The following RAP1GAP2 variants were observed in gnomAD, a reference collection of about 807,000 sequenced individuals.
RAP1GAP2 encodes RAP1 GTPase activating protein 2.
RAP1GAP2 carries 27 observed loss-of-function variants against 95.0 expected under a neutral mutation model. The observed-to-expected ratio is 0.28, with a 90% CI of 0.21 to 0.39. The LOEUF is 0.39. Among genes scored for constraint, RAP1GAP2 ranks in the 10% least tolerant of loss-of-function variants. RAP1GAP2 has a pLI of 1.00. For missense variants in RAP1GAP2, 771 were observed against 970.0 expected, an observed-to-expected ratio of 0.79 and a Z score of 2.72; for synonymous variants, 373 against 380.9, an observed-to-expected ratio of 0.98 and a Z score of 0.24.
intron 2 of RAP1GAP2, among the ~76,000 whole-genome samples, chr17:2,875,324 C>T (rs573408928): frequency 6.6e-6 from 1 of 152,248 alleles, no homozygotes; most frequent in African/African-American, 2.4e-5. Flanking sequence ...GCCTCGGCCT[C>T]CCAAAGTGCT....
chr17:2,895,383 G>A (rs114715718), intron 2 of RAP1GAP2, among the ~76,000 whole-genome samples: 2,903 of 152,258 alleles, frequency 0.019, 98 homozygotes, highest in African/African-American at 0.066. Context: ...CCAAGCCTGC[G>A]CCCAAGCCTC....
At position 2,904,015 on chromosome 17, in the gene RAP1GAP2, G is replaced by T. The variant is rs570727736; in HGVS notation, c.81-1269G>T. 2.3e-4 allele frequency among the ~76,000 whole-genome samples: 35 copies of T among 152,292 alleles called. No individual in the cohort carries two copies. Among genetic ancestry groups the T allele is most frequent in the South Asian group, 1.7e-3 (8 of 4,828 alleles). On this transcript the variant is annotated intron_variant, in intron 2 of 24. Coordinates refer to ENST00000254695, the MANE Select transcript of RAP1GAP2 (RefSeq NM_015085.5). The surrounding 1 kb of genome is among the most constrained non-coding windows in gnomAD (Gnocchi z 4.7). ...GAAGGATTCTCTGGAGGTGGCAGTG[G>T]GGGTGCTTTGATCATTTACGCAGGA... is the stretch of plus-strand genomic sequence containing the variant.
chr17:2,861,721 G>C (rs2072402981), intron 2 of RAP1GAP2, among the ~76,000 whole-genome samples: 1 of 151,958 alleles, frequency 6.6e-6, no homozygotes, highest in Non-Finnish European at 1.5e-5. Flanking sequence ...CTCGCTGCAA[G>C]CTCCGCCTCC....
chr17:2,860,688 C>T (rs1378959811), intron 2 of RAP1GAP2, among the ~76,000 whole-genome samples: 1 of 147,992 alleles, frequency 6.8e-6, no homozygotes, highest in African/African-American at 2.5e-5. Context: ...ACTGCAGCCT[C>T]CGCCTCCTGG....
intron 19 of RAP1GAP2, among the ~76,000 whole-genome samples, chr17:3,021,398 C>A (rs2151647011): frequency 6.7e-6 from 1 of 148,948 alleles, no homozygotes; most frequent in Middle Eastern, 3.6e-3. Context: ...TTTTTTAGCT[C>A]CCACATATGA....
chr17:2,878,175 G>A (rs1053814218), intron 2 of RAP1GAP2, among the ~76,000 whole-genome samples: 6 of 152,284 alleles, frequency 3.9e-5, no homozygotes, highest in Admixed American at 2.0e-4. Context: ...CACACTTAGA[G>A]TAGCAAGGGG....
rs1294505148 is a variant in RAP1GAP2, at chr17:3,020,582, A to G, written c.1738A>G (p.Ser580Gly). Residue 580 changes from serine (S) to glycine (G), a missense_variant, in exon 19 of 25, where the codon AGC becomes GGC. By Grantham distance (56) the Ser-to-Gly change is moderately conservative (BLOSUM62 0). Transcript: ENST00000254695. Reference protein sequence around the residue: ...LHTGSEGQGDSRARCDSTSST... With the variant: ...LHTGSEGQGDGRARCDSTSST... ...CACGGGCTCAGAAGGCCAGGGCGAC[A>G]GCCGGGCACGATGGTAACTGTTGGG... The G allele has an allele frequency of 3.7e-6, 6 of 1,613,642 alleles. No individual in the cohort carries two copies. The highest frequency in any genetic ancestry group is 5.1e-6 in the Non-Finnish European group (6 of 1,179,774).
intron 2 of RAP1GAP2, among the ~76,000 whole-genome samples, chr17:2,860,652 G>A (rs2072345598): frequency 8.2e-6 from 1 of 122,292 alleles, no homozygotes; most frequent in Non-Finnish European, 1.6e-5. Flanking sequence ...CACCCATTCT[G>A]GAGTGCAGTG....
At chr17:2,875,085 A>G (rs1272310510) in intron 2 of RAP1GAP2, among the ~76,000 whole-genome samples, 1 of 152,124 alleles carries the variant, frequency 6.6e-6, no homozygotes, top group Non-Finnish European at 1.5e-5. Context: ...TTGTTTCTTG[A>G]GATGTAGCCT....
chr17:3,011,223 C>T (rs1029208718), intron 17 of RAP1GAP2, among the ~76,000 whole-genome samples: 16 of 152,134 alleles, frequency 1.1e-4, no homozygotes, highest in Admixed American at 7.2e-4. Flanking sequence ...CCACCGCGCC[C>T]GGCCATTTGT....
At chr17:2,921,116 G>A (rs1240312078) in intron 3 of RAP1GAP2, among the ~76,000 whole-genome samples, 1 of 152,186 alleles carries the variant, frequency 6.6e-6, no homozygotes, top group African/African-American at 2.4e-5. Context: ...AGGCCTTGGG[G>A]TGTAGATTTG....
intron 1 of RAP1GAP2, among the ~76,000 whole-genome samples, chr17:2,760,604 G>A (rs536106331): frequency 6.6e-6 from 1 of 151,656 alleles, no homozygotes; most frequent in Admixed American, 6.6e-5. Context: ...GCCTCCCAGA[G>A]TGCTGGGATT....
rs562013922 is a variant in RAP1GAP2, at chr17:3,003,190, T to C, written c.1201-2179T>C. 9.9e-5 allele frequency among the ~76,000 whole-genome samples: 15 copies of C among 152,252 alleles called. No individual in the cohort carries two copies. The highest frequency in any genetic ancestry group is 2.0e-4 in the Admixed American group (3 of 15,308). Reference sequence around the variant, plus strand: ...AGCCAGGGAGCTGTGGCTGAGGTCCTGTCTGGGTCTGCTTGCGGTCTTGGT... The same window carrying C: ...AGCCAGGGAGCTGTGGCTGAGGTCCCGTCTGGGTCTGCTTGCGGTCTTGGT... On this transcript the variant is annotated intron_variant, in intron 14 of 24. Coordinates refer to ENST00000254695, the MANE Select transcript of RAP1GAP2 (RefSeq NM_015085.5). The surrounding 1 kb of genome is among the most constrained non-coding windows in gnomAD (Gnocchi z 4.1).
intron 3 of RAP1GAP2, among the ~76,000 whole-genome samples, chr17:2,931,280 TTGTGTGTGTGTGTGTGTGTG>T (rs34690298): frequency 6.8e-6 from 1 of 146,666 alleles, no homozygotes; most frequent in Non-Finnish European, 1.5e-5. Flanking sequence ...TGAGTGTTTC[TTGTGTGTGTGTGTGTGTGTG>T]TGTGTGTGTG....
chr17:2,890,025 C>A (rs1220343366), intron 2 of RAP1GAP2, among the ~76,000 whole-genome samples: 1 of 150,846 alleles, frequency 6.6e-6, no homozygotes, highest in Admixed American at 6.6e-5. Flanking sequence ...CACTGGCCTG[C>A]GCTGTGTTCT....
chr17:2,794,298 G>T (rs534751629), upstream of RAP1GAP2, among the ~76,000 whole-genome samples: 1 of 152,226 alleles, frequency 6.6e-6, no homozygotes, highest in African/African-American at 2.4e-5. Context: ...GGCTGGCCAG[G>T]CCTGGTCAGG....
At chr17:2,962,864 GT>G in intron 5 of RAP1GAP2, 150 bp downstream of exon 5, 1 of 721,508 alleles carries the variant, frequency 1.4e-6, no homozygotes, top group Non-Finnish European at 2.2e-6. Flanking sequence ...CGACTGCCTT[GT>G]TAGACCAGTG....
intron 8 of RAP1GAP2, among the ~76,000 whole-genome samples, chr17:2,974,801 A>G (rs559080179): frequency 1.7e-4 from 26 of 152,342 alleles, no homozygotes; most frequent in African/African-American, 6.3e-4. Context: ...AATACAGTCT[A>G]TAGCAAATTA....
chr17:2,779,552 TGGAG>T (rs1383483096), intron 1 of RAP1GAP2, among the ~76,000 whole-genome samples: 1 of 152,078 alleles, frequency 6.6e-6, no homozygotes, highest in Non-Finnish European at 1.5e-5. Context: ...GCCTATGAAT[TGGAG>T]TCAGCGATGT....
Sources: allele counts gnomAD v4.1 joint callset (sites outside exome capture counted in the v4.1 genomes callset), GRCh38; gene constraint gnomAD v4.1.1; non-coding constraint Gnocchi (gnomAD v3.1); transcripts MANE v1.5; gene names NCBI Gene and HGNC (gene_info 2026-07-23, HGNC 2026-07-21).